Variants in FYB2 observed in about 807,000 individuals in gnomAD.
FYB2 encodes the protein FYN-binding protein 2.
In FYB2, 103 loss-of-function variants were observed where a neutral mutation model predicts 94.1. The observed-to-expected ratio is 1.09, with a 90% CI of 0.93 to 1.29. The LOEUF is 1.29. Ranked by LOEUF, FYB2 falls within the 50% of genes most tolerant of loss-of-function variation. The probability of loss-of-function intolerance (pLI) is 0.00; values close to 1 mark genes in which losing one functional copy is unlikely to be tolerated. For missense variants in FYB2, 896 were observed against 841.5 expected, an observed-to-expected ratio of 1.06 and a Z score of -0.80; for synonymous variants, 293 against 287.9, an observed-to-expected ratio of 1.02 and a Z score of -0.18.
At position 56,758,669 on chromosome 1, in the gene FYB2, A is replaced by G. The variant is rs113710665; in HGVS notation, c.1098+47T>C. ...GATACTACTTTAGAATCAACCTTGC[A>G]TGCTTATTTTACTTTTAGTTACAAT... On this transcript the variant is annotated intron_variant, in intron 6 of 19. Transcript: ENST00000343433. 1,541 of 1,438,252 alleles carry G rather than the reference A, an allele frequency of 1.1e-3. 7 individuals carry two copies. The highest frequency in any genetic ancestry group is 8.6e-3 in the Middle Eastern group (48 of 5,588). 89.1% of individuals were successfully genotyped at this position (1,438,252 alleles called of 1,614,324 possible).
chr1:56,744,506 G>C (rs1280284873), intron 9 of FYB2, among the ~76,000 whole-genome samples: 1 of 151,942 alleles, frequency 6.6e-6, no homozygotes, highest in South Asian at 2.1e-4. Flanking sequence ...TTTTGGCAAG[G>C]ATTAAATACA....
chr1:56,756,672 T>G (rs1645339554), intron 6 of FYB2, among the ~76,000 whole-genome samples: 1 of 152,140 alleles, frequency 6.6e-6, no homozygotes, highest in Admixed American at 6.6e-5. Flanking sequence ...AGACAGACCT[T>G]GTTTTATATC....
chr1:56,727,925 T>C (rs866531004), intron 15 of FYB2, among the ~76,000 whole-genome samples: 3 of 152,130 alleles, frequency 2.0e-5, no homozygotes, highest in Admixed American at 6.6e-5. Context: ...AGTGAGAGGA[T>C]TGCTTGAGAC....
Position 56,726,525 on chromosome 1 carries a change from CT to C in FYB2, c.1851del (p.Glu618ArgfsTer24). 1.9e-6 allele frequency: 3 copies of C among 1,611,616 alleles called. No homozygotes were observed. The highest frequency in any genetic ancestry group is 1.7e-5 in the Admixed American group (1 of 59,750). On this transcript the variant is annotated frameshift_variant, in exon 16 of 20. Transcript: ENST00000343433. LOFTEE classifies it high-confidence loss of function. ...KPKFLTPKEK[K>X]EKNGAEESES... ...TCTGATTCTTCAGCACCGTTTTTCT[CT>C]TTTTTTTCCTTTGGTGTCAGAAACT...
chr1:56,752,804 C>A (rs1188991496), intron 8 of FYB2, among the ~76,000 whole-genome samples: 5 of 152,080 alleles, frequency 3.3e-5, no homozygotes, highest in Non-Finnish European at 5.9e-5. Flanking sequence ...GCCACATAGC[C>A]AGCATTGAAA....
chr1:56,763,673 G>A (rs1490441462), intron 5 of FYB2, among the ~76,000 whole-genome samples: 1 of 151,062 alleles, frequency 6.6e-6, no homozygotes, highest in Non-Finnish European at 1.5e-5. Flanking sequence ...TATTTTTTCA[G>A]CCTTGCTAGA....
At chr1:56,800,904 C>G (rs549395854) in intron 1 of FYB2, among the ~76,000 whole-genome samples, 20 of 152,268 alleles carry the variant, frequency 1.3e-4, no homozygotes, top group African/African-American at 4.6e-4. Flanking sequence ...AAGCCCCCAT[C>G]CTGAGTGGTA....
chr1:56,719,492 C>A lies in FYB2; in HGVS notation c.*179G>T, dbSNP rs965034214. 9 of 558,924 alleles carry A rather than the reference C, an allele frequency of 1.6e-5. No homozygotes were observed. Among genetic ancestry groups the A allele is most frequent in the Non-Finnish European group, 2.8e-5 (9 of 322,902 alleles). 34.6% of individuals were successfully genotyped at this position (558,924 alleles called of 1,614,324 possible). ...GAAAGATAACCTTTTAGGAGTAAAA[C>A]CAACATCTAAATGTTGAGGATTTGT... is the stretch of plus-strand genomic sequence containing the variant. On this transcript the variant is annotated 3_prime_UTR_variant, in exon 20 of 20. Transcript: ENST00000343433.
intron 17 of FYB2, among the ~76,000 whole-genome samples, chr1:56,721,703 T>A (rs1265464338): frequency 6.6e-6 from 1 of 152,068 alleles, no homozygotes; most frequent in Non-Finnish European, 1.5e-5. Context: ...TGAAGCTGCA[T>A]CAAGCTACAT....
At chr1:56,825,347 A>C in the FYB2 span, among the ~76,000 whole-genome samples, 1 of 152,132 alleles carries the variant, frequency 6.6e-6, no homozygotes, top group Non-Finnish European at 1.5e-5. Context: ...AGAGTGCTAT[A>C]AACAAGCAAC....
intron 1 of FYB2, among the ~76,000 whole-genome samples, chr1:56,793,672 C>T (rs993311510): frequency 1.3e-4 from 20 of 149,940 alleles, no homozygotes; most frequent in African/African-American, 4.2e-4. Flanking sequence ...CACTAAACCT[C>T]AGTGACACAC....
intron 15 of FYB2, among the ~76,000 whole-genome samples, chr1:56,734,137 T>C (rs1444370452): frequency 6.6e-6 from 1 of 152,212 alleles, no homozygotes; most frequent in Non-Finnish European, 1.5e-5. Context: ...TTAGCTCTTC[T>C]TGTTGAATTG....
At chr1:56,747,008 T>C (rs1645082370) in intron 9 of FYB2, among the ~76,000 whole-genome samples, 1 of 151,972 alleles carries the variant, frequency 6.6e-6, no homozygotes, top group African/African-American at 2.4e-5. Context: ...TGAATTTTCA[T>C]AGTGTATTTG....
At chr1:56,758,656 G>A in intron 6 of FYB2, 60 bp downstream of exon 6, 3 of 1,333,910 alleles carry the variant, frequency 2.2e-6, no homozygotes, top group Non-Finnish European at 3.1e-6. Context: ...TACTACTTTA[G>A]AATCAACCTT....
intron 1 of FYB2, among the ~76,000 whole-genome samples, chr1:56,809,892 T>C (rs558542529): frequency 3.9e-5 from 6 of 152,244 alleles, no homozygotes; most frequent in African/African-American, 1.4e-4. Flanking sequence ...ATCAGTGAAG[T>C]GGGGATACAG....
Position 56,792,784 on chromosome 1 carries a change from T to G in FYB2, c.29A>C (p.Lys10Thr). The change falls in exon 2 of 20, where the codon AAG (lysine) becomes ACG (threonine). Residue 10 changes from lysine (K) to threonine (T), a missense_variant. By Grantham distance (78) the Lys-to-Thr change is moderately conservative. Coordinates refer to ENST00000343433, the MANE Select transcript of FYB2 (RefSeq NM_001004303.5). MEGEGVRNF[K>T]ELRAKFQNLD... Reference sequence around the variant, plus strand: ...ATTTTGAAATTTGGCTCGAAGTTCCTTGAAGTTTCTTACCCCTTCCTAAGG... The same window carrying G: ...ATTTTGAAATTTGGCTCGAAGTTCCGTGAAGTTTCTTACCCCTTCCTAAGG... 6.2e-7 allele frequency: 1 copy of G among 1,612,300 alleles called. No homozygotes were observed. Among genetic ancestry groups the G allele is most frequent in the South Asian group, 1.1e-5 (1 of 91,030 alleles).
chr1:56,737,037 G>A, intron 15 of FYB2, 50 bp downstream of exon 15: 1 of 1,361,636 alleles, frequency 7.3e-7, no homozygotes, highest in Non-Finnish European at 1.0e-6. Flanking sequence ...GAAAGCATCA[G>A]GAAATGGGTC....
intron 2 of FYB2, 27 bp from the exon 3 acceptor site, chr1:56,789,161 A>T: frequency 6.5e-7 from 1 of 1,531,664 alleles, no homozygotes; most frequent in Non-Finnish European, 8.8e-7. Flanking sequence ...AAAAAATGTA[A>T]GTTATGATTA....
In FYB2 at chr1:56,788,936, T is replaced by C. The variant is rs368897634; in HGVS notation, c.919+37A>G. 1.6e-5 allele frequency: 25 copies of C among 1,612,630 alleles called. No individual in the cohort carries two copies. The African/African-American group carries it at 2.8e-4, about 18-fold the overall frequency. On this transcript the variant is annotated intron_variant, in intron 3 of 19. Coordinates refer to ENST00000343433, the MANE Select transcript of FYB2 (RefSeq NM_001004303.5). Reference sequence around the variant, plus strand: ...AGGATGTGGAGACGGAGGTGACTCCTGGTTGGCCTTGTGTAGGGCCCTGTG... The same window carrying C: ...AGGATGTGGAGACGGAGGTGACTCCCGGTTGGCCTTGTGTAGGGCCCTGTG...
Sources: allele counts gnomAD v4.1 joint callset (sites outside exome capture counted in the v4.1 genomes callset), GRCh38; gene constraint gnomAD v4.1.1; transcripts MANE v1.5; gene names NCBI Gene and HGNC (gene_info 2026-07-23, HGNC 2026-07-21).